The following RGS10 variants were observed in gnomAD, a reference collection of about 807,000 sequenced individuals.
The protein encoded by RGS10 is regulator of G protein signaling 10.
Under a neutral mutation model 23.5 loss-of-function variants are expected in RGS10, and 11 were observed. The observed-to-expected ratio is 0.47, with a 90% CI of 0.29 to 0.77. RGS10 has a LOEUF of 0.77. Ranked by LOEUF, RGS10 falls within the 30% of genes least tolerant of loss-of-function variation. The pLI is 0.08. For missense variants in RGS10, 180 were observed against 226.3 expected (o/e 0.80, Z 1.31); for synonymous variants, 77 against 83.2 (o/e 0.92, Z 0.41).
rs1564714676 is a variant in RGS10 at position 119,527,518 on chromosome 10, G to A, written c.50-94C>T. The A allele has an allele frequency of 6.6e-6, 6 of 908,322 alleles. No individual in the cohort carries two copies. The highest frequency in any genetic ancestry group is 3.5e-5 in the Admixed American group (2 of 56,702). 56.3% of individuals were successfully genotyped at this position (908,322 alleles called of 1,614,324 possible). A position where few individuals can be genotyped will look rare whatever the true frequency, so the allele number is the denominator to read the frequency against. ...TGGTCAGCACTGCCGTCACCATCAC[G>A]GCTGACATACACCGACTTATGCGTC... On this transcript the variant is annotated intron_variant, in intron 1 of 4. Coordinates refer to ENST00000369103, the MANE Select transcript of RGS10 (RefSeq NM_001005339.2). This position sits in a 1 kb window ranked among gnomAD's most constrained non-coding sequence, Gnocchi z 4.2.
At chr10:119,541,079 C>T (rs1450375927) in intron 1 of RGS10, among the ~76,000 whole-genome samples, 1 of 152,208 alleles carries the variant, frequency 6.6e-6, no homozygotes, top group Admixed American at 6.5e-5. Context: ...GCAACTGGCT[C>T]TTGCAAGCCA....
chr10:119,525,758 G>A (rs1564714150), intron 3 of RGS10, among the ~76,000 whole-genome samples: 1 of 152,070 alleles, frequency 6.6e-6, no homozygotes, highest in Non-Finnish European at 1.5e-5. Context: ...ACTTATTCAT[G>A]AAGAAAAAAA....
At chr10:119,513,863 T>C (rs1281684031) in intron 4 of RGS10, among the ~76,000 whole-genome samples, 2 of 152,174 alleles carry the variant, frequency 1.3e-5, no homozygotes, top group African/African-American at 2.4e-5. Context: ...GGGGGGAGCA[T>C]GGTCTTTGAA....
At chr10:119,503,005 C>T (rs550760769) in intron 4 of RGS10, among the ~76,000 whole-genome samples, 5 of 152,152 alleles carry the variant, frequency 3.3e-5, no homozygotes, top group Non-Finnish European at 7.4e-5. Flanking sequence ...GGCCAACGAC[C>T]CCCTGGGCCT....
intron 3 of RGS10, among the ~76,000 whole-genome samples, chr10:119,515,976 G>A (rs1419420016): frequency 6.6e-6 from 1 of 152,232 alleles, no homozygotes; most frequent in Non-Finnish European, 1.5e-5. Context: ...CTGTGGCCGG[G>A]CACAGTGGCT....
chr10:119,518,345 C>T (rs767038558), intron 3 of RGS10, among the ~76,000 whole-genome samples: 1 of 152,144 alleles, frequency 6.6e-6, no homozygotes, highest in Non-Finnish European at 1.5e-5. Context: ...CCCATCAACT[C>T]GGGGACTGCC....
In RGS10 at chr10:119,517,060, G is replaced by T. The variant is rs775025870; in HGVS notation, c.256-1408C>A. Among the ~76,000 whole-genome samples the T allele has an allele frequency of 6.6e-5, 10 of 152,334 alleles. No homozygotes were observed. Among genetic ancestry groups the T allele is most frequent in the East Asian group, 1.9e-4 (1 of 5,188 alleles). On this transcript the variant is annotated intron_variant, in intron 3 of 4. Transcript: ENST00000369103. This position sits in a 1 kb window ranked among gnomAD's most constrained non-coding sequence, Gnocchi z 5.0. ...TCTCCAAGAGCCCAACTGGGGCTCC[G>T]CATGTGCTGTGGGGCTTGGTTTGGG...
At chr10:119,528,504 G>T (rs186104181) in intron 1 of RGS10, among the ~76,000 whole-genome samples, 1 of 151,912 alleles carries the variant, frequency 6.6e-6, no homozygotes, top group Non-Finnish European at 1.5e-5. Flanking sequence ...TTTAAACTTC[G>T]GATATTTGTT....
At chr10:119,505,119 A>C (rs1204747046) in intron 4 of RGS10, among the ~76,000 whole-genome samples, 1 of 151,966 alleles carries the variant, frequency 6.6e-6, no homozygotes, top group Non-Finnish European at 1.5e-5. Flanking sequence ...CCAGGTTTGG[A>C]CTGTGATGGG....
intron 3 of RGS10, among the ~76,000 whole-genome samples, chr10:119,523,812 T>C (rs776685370): frequency 2.0e-5 from 3 of 152,160 alleles, no homozygotes; most frequent in Non-Finnish European, 4.4e-5. Context: ...AAGAGGCACA[T>C]TGAAAGTTTG....
chr10:119,540,516 T>G (rs1405582988), intron 1 of RGS10, among the ~76,000 whole-genome samples: 1 of 152,218 alleles, frequency 6.6e-6, no homozygotes, highest in East Asian at 1.9e-4. Context: ...CCTCCCAAAG[T>G]GCTGGGATCA....
At chr10:119,506,275 C>T (rs1049315996) in intron 4 of RGS10, among the ~76,000 whole-genome samples, 2 of 152,246 alleles carry the variant, frequency 1.3e-5, no homozygotes, top group Non-Finnish European at 2.9e-5. Context: ...GGGCAGCTGG[C>T]AGACAGCAGA....
intron 4 of RGS10, among the ~76,000 whole-genome samples, chr10:119,512,010 T>C (rs527506815): frequency 6.6e-6 from 1 of 152,270 alleles, no homozygotes; most frequent in East Asian, 1.9e-4. Context: ...ACAGGGTGCA[T>C]GGGAGTTGGC....
At position 119,515,683 on chromosome 10, in the gene RGS10, C is replaced by A. The variant is rs555194939; in HGVS notation, c.256-31G>T. ...GGAGACAGATGGGGCCTTGTGCTATCTGCACACACAGCCTTCCCGGCCTGA... is the reference window on the plus strand; with the variant it reads ...GGAGACAGATGGGGCCTTGTGCTATATGCACACACAGCCTTCCCGGCCTGA... On this transcript the variant is annotated intron_variant, in intron 3 of 4. Coordinates refer to ENST00000369103, the MANE Select transcript of RGS10 (RefSeq NM_001005339.2). The A allele has an allele frequency of 7.4e-6, 12 of 1,612,650 alleles. No homozygotes were observed. The Admixed American group carries it at 2.0e-4, about 27-fold the overall frequency.
chr10:119,505,322 CT>C (rs11317053), intron 4 of RGS10, among the ~76,000 whole-genome samples: 31,967 of 90,148 alleles, frequency 0.35, 4,349 homozygotes, highest in Admixed American at 0.41. Context: ...CATTCTGCAT[CT>C]TTTTTTTTTT....
chr10:119,512,546 TA>T (rs11446612), intron 4 of RGS10, among the ~76,000 whole-genome samples: 1 of 150,782 alleles, frequency 6.6e-6, no homozygotes, highest in Non-Finnish European at 1.5e-5. Flanking sequence ...TCTATGCAAT[TA>T]AAAAAAATTT....
intron 4 of RGS10, among the ~76,000 whole-genome samples, chr10:119,502,143 AC>A (rs199997124): frequency 8.2e-4 from 124 of 151,482 alleles, no homozygotes; most frequent in Middle Eastern, 3.4e-3. Context: ...GAAAAAAAAA[AC>A]AAACTTTTTT....
chr10:119,520,927 T>A (rs1367018335), intron 3 of RGS10, among the ~76,000 whole-genome samples: 2 of 152,012 alleles, frequency 1.3e-5, no homozygotes, highest in Non-Finnish European at 2.9e-5. Context: ...GAAAAAAAGT[T>A]ACTAAAATGA....
Position 119,542,704 on chromosome 10 carries a change from CGAG to C in RGS10, c.-69_-67del, listed in dbSNP as rs1311730284. 4,896 of 1,197,508 alleles carry C rather than the reference CGAG, an allele frequency of 4.1e-3. No homozygotes were observed. Among genetic ancestry groups the C allele is most frequent in the South Asian group, 8.2e-3 (384 of 46,912 alleles). 74.2% of individuals were successfully genotyped at this position (1,197,508 alleles called of 1,614,324 possible). On this transcript the variant is annotated 5_prime_UTR_variant, in exon 1 of 5. Coordinates refer to ENST00000369103, the MANE Select transcript of RGS10 (RefSeq NM_001005339.2). ...GCGCGGCGGCTGAGCCGGAGGAAGG[CGAG>C]GAGGAGGAGGAGGGCGAGGAGGAGG...
Sources: gnomAD v4.1 joint callset for allele counts (sites outside exome capture counted in the v4.1 genomes callset) on GRCh38, gnomAD v4.1.1 for gene constraint, Gnocchi (gnomAD v3.1) non-coding constraint, MANE v1.5 for transcripts, NCBI Gene and HGNC (gene_info 2026-07-23, HGNC 2026-07-21) for gene names.